Variants in CADPS2 observed in about 807,000 individuals in gnomAD.
CADPS2 encodes the protein calcium-dependent secretion activator 2.
CADPS2 carries 93 observed loss-of-function variants against 172.5 expected under a neutral mutation model. The observed-to-expected ratio is 0.54, with a 90% confidence interval of 0.46 to 0.64. The LOEUF is 0.64. Ranked by LOEUF, CADPS2 falls within the 30% of genes least tolerant of loss-of-function variation. The probability of loss-of-function intolerance (pLI) is 0.00; values close to 1 mark genes in which losing one functional copy is unlikely to be tolerated. For missense variants in CADPS2, 1,420 were observed against 1,565.9 expected, an observed-to-expected ratio of 0.91 and a Z score of 1.57; for synonymous variants, 546 against 555.2, an observed-to-expected ratio of 0.98 and a Z score of 0.23.
At chr7:122,756,341 A>G (rs2138572880) in intron 1 of CADPS2, among the ~76,000 whole-genome samples, 1 of 152,342 alleles carries the variant, frequency 6.6e-6, no homozygotes, top group South Asian at 2.1e-4. Flanking sequence ...ATCTAAATAT[A>G]CAATAGTCAT....
chr7:122,611,539 A>G (rs1019074259), intron 6 of CADPS2, among the ~76,000 whole-genome samples: 6 of 152,108 alleles, frequency 3.9e-5, no homozygotes, highest in Non-Finnish European at 7.4e-5. Context: ...AAATGACTCA[A>G]AAGAAAGACA....
chr7:122,619,532 C>T (rs866215430), intron 5 of CADPS2, among the ~76,000 whole-genome samples: 6 of 151,384 alleles, frequency 4.0e-5, no homozygotes, highest in Admixed American at 2.0e-4. Context: ...GAGGCTGAAG[C>T]GGGAGAATCA....
chr7:122,722,035 C>G (rs138121685), intron 2 of CADPS2, among the ~76,000 whole-genome samples: 13 of 152,206 alleles, frequency 8.5e-5, no homozygotes, highest in African/African-American at 3.1e-4. Context: ...ATCGATGGGA[C>G]ATATCTCAAA....
At chr7:122,395,491 T>C (rs1212707855) in intron 20 of CADPS2, 1 of 152,224 alleles carries the variant, frequency 6.6e-6, no homozygotes, top group Non-Finnish European at 1.5e-5. Flanking sequence ...AAGCTTTATT[T>C]ATTCCTGGAG....
intron 1 of CADPS2, among the ~76,000 whole-genome samples, chr7:122,779,246 T>C (rs1458012262): frequency 6.6e-6 from 1 of 152,174 alleles, no homozygotes; most frequent in Non-Finnish European, 1.5e-5. Flanking sequence ...AGAATCTCAG[T>C]GCACACAACA....
At chr7:122,609,187 T>C (rs2073984011) in intron 6 of CADPS2, among the ~76,000 whole-genome samples, 1 of 152,132 alleles carries the variant, frequency 6.6e-6, no homozygotes, top group Non-Finnish European at 1.5e-5. Context: ...CAAAGGATAC[T>C]TAACACTTGG....
intron 6 of CADPS2, among the ~76,000 whole-genome samples, chr7:122,599,483 T>A (rs1423503244): frequency 1.3e-5 from 2 of 151,950 alleles, no homozygotes; most frequent in African/African-American, 4.8e-5. Flanking sequence ...GGCTAAGGAA[T>A]CCTTACAGCT....
intron 1 of CADPS2, among the ~76,000 whole-genome samples, chr7:122,865,297 T>A (rs1051485812): frequency 2.6e-5 from 4 of 152,170 alleles, no homozygotes; most frequent in Non-Finnish European, 5.9e-5. Flanking sequence ...CTGCAGAATC[T>A]CTTACCTTTA....
At chr7:122,320,799 C>A (rs929285094) in intron 29 of CADPS2, among the ~76,000 whole-genome samples, 2 of 151,898 alleles carry the variant, frequency 1.3e-5, no homozygotes, top group Non-Finnish European at 2.9e-5. Context: ...ATCCTATTAT[C>A]GGTAAAAGAA....
chr7:122,823,557 G>T (rs1447771652), intron 1 of CADPS2, among the ~76,000 whole-genome samples: 1 of 152,222 alleles, frequency 6.6e-6, no homozygotes, highest in East Asian at 1.9e-4. Context: ...AGTAGGCTTG[G>T]GGGTGGGACT....
At chr7:122,568,015 A>G (rs2066691941) in intron 7 of CADPS2, among the ~76,000 whole-genome samples, 1 of 152,188 alleles carries the variant, frequency 6.6e-6, no homozygotes, top group Admixed American at 6.5e-5. Flanking sequence ...TAAAGACACA[A>G]TTATATGTTG....
intron 5 of CADPS2, among the ~76,000 whole-genome samples, chr7:122,618,593 T>C (rs2075234337): frequency 6.6e-6 from 1 of 152,152 alleles, no homozygotes; most frequent in Admixed American, 6.6e-5. Flanking sequence ...CGACTCAGTA[T>C]AGTTCTTAGA....
intron 4 of CADPS2, among the ~76,000 whole-genome samples, chr7:122,628,438 A>C (rs560008182): frequency 6.6e-6 from 1 of 152,050 alleles, no homozygotes; most frequent in South Asian, 2.1e-4. Context: ...ACATGTTACG[A>C]GAGAGAGAAA....
At chr7:122,672,029 T>C (rs2081922491) in intron 2 of CADPS2, among the ~76,000 whole-genome samples, 1 of 152,206 alleles carries the variant, frequency 6.6e-6, no homozygotes, top group Non-Finnish European at 1.5e-5. Context: ...TAATGAGTAA[T>C]GTCCCAAAGG....
chr7:122,630,930 T>C (rs975000880), intron 3 of CADPS2, among the ~76,000 whole-genome samples: 1 of 152,068 alleles, frequency 6.6e-6, no homozygotes, highest in Admixed American at 6.6e-5. Flanking sequence ...CTCATAAAAC[T>C]AACAAACAAT....
chr7:122,495,177 A>G (rs2058637298), intron 9 of CADPS2, among the ~76,000 whole-genome samples: 1 of 152,166 alleles, frequency 6.6e-6, no homozygotes, highest in Non-Finnish European at 1.5e-5. Context: ...ATACACTAAC[A>G]TGTATATATT....
intron 1 of CADPS2, among the ~76,000 whole-genome samples, chr7:122,867,238 T>C (rs115468165): frequency 0.012 from 1,893 of 152,210 alleles, 25 homozygotes; most frequent in East Asian, 0.059. Context: ...TCTCCTCTAC[T>C]AGAATATAAG....
chr7:122,570,811 T>C (rs993060738), intron 7 of CADPS2, among the ~76,000 whole-genome samples: 1 of 151,984 alleles, frequency 6.6e-6, no homozygotes, highest in Non-Finnish European at 1.5e-5. Flanking sequence ...CATGTTCTCA[T>C]TCATAGATGG....
At chr7:122,355,082 A>G (rs969185861) in intron 27 of CADPS2, among the ~76,000 whole-genome samples, 1 of 152,176 alleles carries the variant, frequency 6.6e-6, no homozygotes. Flanking sequence ...ATATGTTACA[A>G]AGATACAAAA....
Sources: allele counts gnomAD v4.1 joint callset (sites outside exome capture counted in the v4.1 genomes callset), GRCh38; gene constraint gnomAD v4.1.1; transcripts MANE v1.5; gene names NCBI Gene and HGNC (gene_info 2026-07-23, HGNC 2026-07-21).